Variants in ABHD14A observed in about 807,000 individuals in gnomAD.
ABHD14A encodes the protein abhydrolase domain containing 14A.
ABHD14A carries 19 observed loss-of-function variants against 27.0 expected under a neutral mutation model. The ratio of observed to expected loss-of-function variants is 0.70; its 90% CI spans 0.49 to 1.03. ABHD14A has a LOEUF of 1.03. Ranked by LOEUF, ABHD14A falls within the 50% of genes least tolerant of loss-of-function variation. The probability of loss-of-function intolerance (pLI) is 0.00; values close to 1 mark genes in which losing one functional copy is unlikely to be tolerated. For missense variants in ABHD14A, 311 were observed against 344.6 expected, an observed-to-expected ratio of 0.90 and a Z score of 0.77; for synonymous variants, 148 against 158.8, an observed-to-expected ratio of 0.93 and a Z score of 0.51.
Position 51,976,399 on chromosome 3 carries a change from C to G in ABHD14A, c.69+1195C>G, listed in dbSNP as rs1399325559. ...GGCACTCAATAAAGATGTGCTGGCCCGGCGCGGTGGCTCACGCCTGTAATC... is the reference window on the plus strand; with the variant it reads ...GGCACTCAATAAAGATGTGCTGGCCGGGCGCGGTGGCTCACGCCTGTAATC... On this transcript the variant is annotated intron_variant, in intron 1 of 4. Coordinates refer to ENST00000273596, the MANE Select transcript of ABHD14A (RefSeq NM_015407.5). Among the ~76,000 whole-genome samples, 3 of 152,138 alleles carry G rather than the reference C, an allele frequency of 2.0e-5. No individual in the cohort carries two copies. The South Asian group carries it at 6.2e-4, about 32-fold the overall frequency.
intron 3 of ABHD14A, among the ~76,000 whole-genome samples, chr3:51,979,454 G>GT (rs1013771288): frequency 1.2e-3 from 165 of 136,612 alleles, no homozygotes; most frequent in Middle Eastern, 7.4e-3. Context: ...GTTGTGTTTT[G>GT]TTTTTTTTTT....
At chr3:51,976,499 A>AC (rs1700790806) in intron 1 of ABHD14A, among the ~76,000 whole-genome samples, 1 of 151,812 alleles carries the variant, frequency 6.6e-6, no homozygotes, top group Non-Finnish European at 1.5e-5. Flanking sequence ...ACATGGTGAA[A>AC]CCCTGTCTCT....
intron 1 of ABHD14A, among the ~76,000 whole-genome samples, chr3:51,976,487 C>T (rs1449534882): frequency 6.6e-6 from 1 of 151,958 alleles, no homozygotes. Context: ...ACAGCCTGGC[C>T]AACATGGTGA....
chr3:51,980,137 T>C (rs1326484293), intron 3 of ABHD14A: 5 of 526,262 alleles, frequency 9.5e-6, no homozygotes, highest in Non-Finnish European at 1.5e-5. Flanking sequence ...TTAGCCAGGA[T>C]GGTCTCGATC....
At chr3:51,975,311 C>T (rs1700763012) in intron 1 of ABHD14A, 107 bp downstream of exon 1, 2 of 1,078,668 alleles carry the variant, frequency 1.9e-6, no homozygotes, top group African/African-American at 1.6e-5. Context: ...AAGAAGCAGA[C>T]GCTGGGGCCG....
chr3:51,978,079 A>G lies in ABHD14A; in HGVS notation c.278A>G (p.His93Arg), dbSNP rs746580288. 6.2e-7 allele frequency: 1 copy of G among 1,613,378 alleles called. No homozygotes were observed. Residue 93 changes from histidine (H) to arginine (R), a missense_variant, in exon 2 of 5, where the codon CAC (histidine) becomes CGC (arginine). His to Arg is a conservative substitution (Grantham distance 29, BLOSUM62 0). Transcript: ENST00000273596. ...YREVLPLNQA[H>R]RVEVVLLHGK... ...GAGGTGCTCCCACTCAACCAGGCAC[A>G]CAGGTAGGTGCTGCTCCAAGGGTCT...
chr3:51,976,142 G>C (rs556754865), intron 1 of ABHD14A, among the ~76,000 whole-genome samples: 1 of 152,354 alleles, frequency 6.6e-6, no homozygotes, highest in African/African-American at 2.4e-5. Context: ...CGCCCAGTTA[G>C]AGACGCGCGT....
At chr3:51,977,739 C>T (rs2106812947) in intron 1 of ABHD14A, 132 bp from the exon 2 acceptor site, 3 of 868,084 alleles carry the variant, frequency 3.5e-6, no homozygotes, top group South Asian at 1.6e-5. Flanking sequence ...AGAACTTTGC[C>T]CAGAGCAAGG....
chr3:51,978,236 C>T, intron 2 of ABHD14A, 23 bp from the exon 3 acceptor site: 4 of 1,543,840 alleles, frequency 2.6e-6, no homozygotes, highest in Non-Finnish European at 3.5e-6. Flanking sequence ...TCCCAGCAAA[C>T]ACATTCCCCT....
intron 1 of ABHD14A, 44 bp downstream of exon 1, chr3:51,975,248 G>A: frequency 8.0e-7 from 1 of 1,245,096 alleles, no homozygotes; most frequent in Non-Finnish European, 1.0e-6. Context: ...GCCCAGGGGA[G>A]GGCCGTCTTT....
At chr3:51,979,922 AT>A (rs1700877875) in intron 3 of ABHD14A, among the ~76,000 whole-genome samples, 3 of 150,632 alleles carry the variant, frequency 2.0e-5, no homozygotes, top group Non-Finnish European at 4.4e-5. Flanking sequence ...TTTATTTTTT[AT>A]TTTATTTTAT....
At chr3:51,977,187 T>C (rs1700804795) in intron 1 of ABHD14A, among the ~76,000 whole-genome samples, 1 of 152,244 alleles carries the variant, frequency 6.6e-6, no homozygotes, top group Non-Finnish European at 1.5e-5. Flanking sequence ...GTAAAACGCG[T>C]TCTGATTTTA....
chr3:51,978,909 TG>T, intron 3 of ABHD14A: 1 of 325,480 alleles, frequency 3.1e-6, no homozygotes, highest in Non-Finnish European at 6.6e-6. Context: ...GTACTTTCTA[TG>T]GCAAACCATA....
At position 51,981,011 on chromosome 3, in the gene ABHD14A, T is replaced by G. The variant is rs1414209436; in HGVS notation, c.809T>G (p.Leu270Arg). ...HLVLLAFLDH[L>R]P Reference sequence around the variant, plus strand: ...GTCCTGCTTGCCTTCCTTGACCATCTACCTTGAACTAACCCACTCCCAGCT... The same window carrying G: ...GTCCTGCTTGCCTTCCTTGACCATCGACCTTGAACTAACCCACTCCCAGCT... The change falls in exon 5 of 5, where the codon CTA becomes CGA. Residue 270 changes from leucine to arginine, a missense_variant. By Grantham distance (102) the Leu-to-Arg change is moderately radical. Coordinates refer to ENST00000273596, the MANE Select transcript of ABHD14A (RefSeq NM_015407.5). 8.1e-6 allele frequency: 13 copies of G among 1,608,858 alleles called. No homozygotes were observed. The highest frequency in any genetic ancestry group is 1.3e-5 in the African/African-American group (1 of 74,814).
chr3:51,979,353 G>A (rs758439820), intron 3 of ABHD14A, among the ~76,000 whole-genome samples: 1 of 152,076 alleles, frequency 6.6e-6, no homozygotes, highest in Non-Finnish European at 1.5e-5. Context: ...CAATATAGTA[G>A]CTAAAGCATC....
At position 51,977,942 on chromosome 3, in the gene ABHD14A, A is replaced by G. The variant is rs1403393216; in HGVS notation, c.141A>G (p.Leu47=). ...LLGLSLLLML[L]LYVGLPGPPE... Reference sequence around the variant, plus strand: ...GCCTGAGTCTGCTGCTCATGCTCCTACTGTATGTGGGGCTGCCAGGCCCCC... The same window carrying G: ...GCCTGAGTCTGCTGCTCATGCTCCTGCTGTATGTGGGGCTGCCAGGCCCCC... Residue 47 remains leucine, a synonymous_variant, in exon 2 of 5, where the codon CTA becomes CTG. Transcript: ENST00000273596. 6.2e-7 allele frequency: 1 copy of G among 1,613,742 alleles called. No individual in the cohort carries two copies. The highest frequency in any genetic ancestry group is 8.5e-7 in the Non-Finnish European group (1 of 1,179,964).
In ABHD14A at chr3:51,975,256, T is replaced by C. The variant is rs1441864913; in HGVS notation, c.69+52T>C. 9 of 1,236,660 alleles carry C rather than the reference T, an allele frequency of 7.3e-6. No individual in the cohort carries two copies. In the African/African-American group the frequency reaches 1.4e-4, roughly 19 times the overall value. 76.6% of individuals were successfully genotyped at this position (1,236,660 alleles called of 1,614,324 possible). On this transcript the variant is annotated intron_variant, in intron 1 of 4. Coordinates refer to ENST00000273596, the MANE Select transcript of ABHD14A (RefSeq NM_015407.5). ...GCCGGTGGCCCAGGGGAGGGCCGTC[T>C]TTACCCCGCCCCTTGCCCCGGCGCC... is the stretch of plus-strand genomic sequence containing the variant.
intron 1 of ABHD14A, among the ~76,000 whole-genome samples, chr3:51,976,081 C>G (rs1225388223): frequency 2.0e-5 from 3 of 152,222 alleles, no homozygotes; most frequent in Non-Finnish European, 2.9e-5. Flanking sequence ...GGGGGCGCCC[C>G]GAGTGGGCAG....
At position 51,978,356 on chromosome 3, in the gene ABHD14A, G is replaced by T; in HGVS notation, c.379G>T (p.Val127Leu). ...QLLSQRGYRA[V>L]ALDLPGFGNS... ...ACTGTCACAGAGGGGCTACCGGGCC[G>T]TGGCCCTTGACCTTCCAGGTGAGCA... The change falls in exon 3 of 5, where the codon GTG becomes TTG. Residue 127 changes from valine (V) to leucine (L), a missense_variant. Coordinates refer to ENST00000273596, the MANE Select transcript of ABHD14A (RefSeq NM_015407.5). 1 of 1,551,532 alleles carries T rather than the reference G, an allele frequency of 6.4e-7. No individual in the cohort carries two copies. Among genetic ancestry groups the T allele is most frequent in the African/African-American group, 1.4e-5 (1 of 73,130 alleles).
Sources: allele counts gnomAD v4.1 joint callset (sites outside exome capture counted in the v4.1 genomes callset), GRCh38; gene constraint gnomAD v4.1.1; transcripts MANE v1.5; gene names NCBI Gene and HGNC (gene_info 2026-07-23, HGNC 2026-07-21).